The following AGO2 variants were observed in gnomAD, a reference collection of about 807,000 sequenced individuals.
AGO2 encodes the protein argonaute RISC catalytic component 2.
A neutral mutation model predicts 102.3 loss-of-function variants in AGO2; 5 were observed. The ratio of observed to expected loss-of-function variants is 0.05; its 90% CI spans 0.03 to 0.10. The LOEUF is 0.10. AGO2 is among the 10% of genes least tolerant of loss of function. AGO2 has a pLI of 1.00. For synonymous variants in AGO2, 449 were observed against 473.1 expected (o/e 0.95, Z 0.66); for missense variants, 541 against 1,183.7 (o/e 0.46, Z 7.97).
At chr8:140,615,006 T>C (rs908342658) in intron 1 of AGO2, among the ~76,000 whole-genome samples, 1 of 152,206 alleles carries the variant, frequency 6.6e-6, no homozygotes, top group Non-Finnish European at 1.5e-5. Context: ...ACCATTCACA[T>C]ATTCATTATC....
rs1318867584 is a variant in AGO2 at position 140,527,830 on chromosome 8, C to A, written c.*4214G>T. 1 of 152,222 alleles carries A rather than the reference C, an allele frequency of 6.6e-6. No homozygotes were observed. The highest frequency in any genetic ancestry group is 6.5e-5 in the Admixed American group (1 of 15,276). 9.4% of individuals were successfully genotyped at this position (152,222 alleles called of 1,614,324 possible). On this transcript the variant is annotated 3_prime_UTR_variant, in exon 19 of 19. Transcript: ENST00000220592. This position sits in a 1 kb window ranked among gnomAD's most constrained non-coding sequence, Gnocchi z 6.0. ...TTGTCCACTGTCTGGATTATGTCGA[C>A]TTCTAAAGCTCCTCCTAATGGAACT...
intron 10 of AGO2, among the ~76,000 whole-genome samples, chr8:140,554,937 A>C (rs895068003): frequency 2.6e-5 from 4 of 152,162 alleles, no homozygotes; most frequent in African/African-American, 9.7e-5. Context: ...CAGCCTCCCG[A>C]AGTGCTGGGA....
At chr8:140,594,355 A>G (rs987263798) in intron 1 of AGO2, among the ~76,000 whole-genome samples, 3 of 152,250 alleles carry the variant, frequency 2.0e-5, no homozygotes, top group African/African-American at 7.2e-5. Flanking sequence ...GTATTTTTAA[A>G]TGGAACAAAA....
chr8:140,627,852 C>A (rs2074295629), intron 1 of AGO2, among the ~76,000 whole-genome samples: 1 of 152,172 alleles, frequency 6.6e-6, no homozygotes, highest in Non-Finnish European at 1.5e-5. Flanking sequence ...GAGACCACCA[C>A]AAAGTCCACT....
intron 16 of AGO2, among the ~76,000 whole-genome samples, chr8:140,538,412 C>T (rs569516339): frequency 2.6e-5 from 4 of 152,320 alleles, no homozygotes; most frequent in East Asian, 1.9e-4. Context: ...GGTAGGACAA[C>T]GTGGACAGGT....
chr8:140,551,167 C>T, intron 11 of AGO2, 136 bp downstream of exon 11: 1 of 1,082,600 alleles, frequency 9.2e-7, no homozygotes, highest in South Asian at 2.3e-5. Flanking sequence ...CAGGGAAAGG[C>T]TGATGAACCC....
At position 140,572,949 on chromosome 8, in the gene AGO2, A is replaced by G; in HGVS notation, c.216-17T>C. On this transcript the variant is annotated splice_polypyrimidine_tract_variant and intron_variant, in intron 2 of 18. Coordinates refer to ENST00000220592, the MANE Select transcript of AGO2 (RefSeq NM_012154.5). ...ACGATTTCCCTGAAACAAAGACAAA[A>G]GTCGGGCAAAATGTCAATAAAATGG... is the stretch of plus-strand genomic sequence containing the variant. 1 of 1,593,090 alleles carries G rather than the reference A, an allele frequency of 6.3e-7. No homozygotes were observed. Among genetic ancestry groups the G allele is most frequent in the South Asian group, 1.1e-5 (1 of 87,376 alleles).
rs749158401 is a variant in AGO2 at position 140,535,606 on chromosome 8, G to C, written c.2170-37C>G. The C allele has an allele frequency of 9.3e-6, 15 of 1,607,278 alleles. No homozygotes were observed. In the South Asian group the frequency reaches 1.3e-4, roughly 14 times the overall value. On this transcript the variant is annotated intron_variant, in intron 16 of 18. Coordinates refer to ENST00000220592, the MANE Select transcript of AGO2 (RefSeq NM_012154.5). Reference sequence around the variant, plus strand: ...CAGGCATCTCGTTAGACACGGCCAGGGACCGGCAGAGCCAAGCAGGCGGGC... The same window carrying C: ...CAGGCATCTCGTTAGACACGGCCAGCGACCGGCAGAGCCAAGCAGGCGGGC...
chr8:140,615,323 C>G (rs2074127640), intron 1 of AGO2, among the ~76,000 whole-genome samples: 1 of 152,234 alleles, frequency 6.6e-6, no homozygotes, highest in Admixed American at 6.5e-5. Flanking sequence ...GGAGACAGCC[C>G]CCTGGCCAGG....
chr8:140,612,220 CAAAAAAAAAAAAAAAAAAAAAAAA>C (rs542472147), intron 1 of AGO2, among the ~76,000 whole-genome samples: 8 of 95,964 alleles, frequency 8.3e-5, no homozygotes, highest in Non-Finnish European at 1.4e-4. Context: ...GACTCTGTCT[CAAAAAAAAAAAAAAAAAAAAAAAA>C]AAAAAAAAAA....
At chr8:140,546,816 C>T (rs2072909303) in intron 13 of AGO2, among the ~76,000 whole-genome samples, 1 of 152,224 alleles carries the variant, frequency 6.6e-6, no homozygotes, top group Non-Finnish European at 1.5e-5. Flanking sequence ...TCTTTCTTGC[C>T]TACATCACAG....
chr8:140,557,224 C>T lies in AGO2; in HGVS notation c.891G>A (p.Gln297=). The T allele has an allele frequency of 6.2e-7, 1 of 1,612,992 alleles. No homozygotes were observed. The change falls in exon 8 of 19, where the codon CAG becomes CAA. Residue 297 remains glutamine (Q), a synonymous_variant. Transcript: ENST00000220592. The surrounding 1 kb of genome is among the most constrained non-coding windows in gnomAD (Gnocchi z 5.9). ...ACTCCACCGTCTGCCCGCTCTCCTG[C>T]TGCAGCGGGAATCTGAGGAGCAAAG... The part of the protein sequence containing the change: ...RPASHQTFPL[Q]QESGQTVECT...
At chr8:140,555,437 T>C (rs2073077617) in intron 10 of AGO2, 1 of 160,296 alleles carries the variant, frequency 6.2e-6, no homozygotes, top group Non-Finnish European at 1.4e-5. Context: ...TGCAGTGACC[T>C]ATAGTCAGGT....
intron 11 of AGO2, among the ~76,000 whole-genome samples, chr8:140,550,996 T>G (rs2072983688): frequency 6.6e-6 from 1 of 152,214 alleles, no homozygotes; most frequent in Non-Finnish European, 1.5e-5. Context: ...TGAATCCAAT[T>G]CTCTCTTTTG....
At chr8:140,614,716 T>C (rs1176019622) in intron 1 of AGO2, among the ~76,000 whole-genome samples, 1 of 152,178 alleles carries the variant, frequency 6.6e-6, no homozygotes, top group Non-Finnish European at 1.5e-5. Flanking sequence ...ATCCAGTACT[T>C]ACTGCTGCGT....
the AGO2 span, among the ~76,000 whole-genome samples, chr8:140,641,727 G>A: frequency 2.8e-3 from 420 of 152,316 alleles, 1 homozygote; most frequent in Non-Finnish European, 5.0e-3. Flanking sequence ...GGGATTGCAG[G>A]CGTGCACAAC....
chr8:140,617,603 C>T (rs745512754), intron 1 of AGO2, among the ~76,000 whole-genome samples: 11 of 152,176 alleles, frequency 7.2e-5, no homozygotes, highest in Non-Finnish European at 1.2e-4. Context: ...ACACCAATGT[C>T]GGTCACGCAG....
At chr8:140,572,043 T>C (rs537200878) in intron 3 of AGO2, 55 of 152,354 alleles carry the variant, frequency 3.6e-4, no homozygotes, top group African/African-American at 1.3e-3. Flanking sequence ...GTAAAGATTA[T>C]TTCTGAGCCG....
the AGO2 span, among the ~76,000 whole-genome samples, chr8:140,641,563 A>T: frequency 6.6e-6 from 1 of 152,206 alleles, no homozygotes; most frequent in African/African-American, 2.4e-5. Flanking sequence ...ATAATTCTAT[A>T]TACTAATGAC....
Sources: allele counts gnomAD v4.1 joint callset (sites outside exome capture counted in the v4.1 genomes callset), GRCh38; gene constraint gnomAD v4.1.1; non-coding constraint Gnocchi (gnomAD v3.1); transcripts MANE v1.5; gene names NCBI Gene and HGNC (gene_info 2026-07-23, HGNC 2026-07-21).